Variants in POLH observed in about 807,000 individuals in gnomAD.
The protein encoded by POLH is DNA polymerase eta.
POLH carries 53 observed loss-of-function variants against 73.6 expected under a neutral mutation model. The ratio of observed to expected loss-of-function variants is 0.72; its 90% CI spans 0.58 to 0.91. The LOEUF is 0.91. Among genes scored for constraint, POLH ranks in the 40% least tolerant of loss-of-function variants. The pLI is 0.00. For synonymous variants in POLH, 292 were observed against 308.5 expected (o/e 0.95, Z 0.56); for missense variants, 768 against 865.4 (o/e 0.89, Z 1.41).
rs925647674 is a variant in POLH at position 43,593,651 on chromosome 6, G to T, written c.491-4045G>T. On this transcript the variant is annotated intron_variant, in intron 4 of 10. Coordinates refer to ENST00000372236, the MANE Select transcript of POLH (RefSeq NM_006502.3). ...AATCCCAGCACTTTGAGAGGCCAGG[G>T]TGAGCGAATCATGACGTCATGAGAT... is the stretch of plus-strand genomic sequence containing the variant. Among the ~76,000 whole-genome samples the T allele has an allele frequency of 3.3e-4, 50 of 152,188 alleles. 1 individual carries two copies. The highest frequency in any genetic ancestry group is 1.1e-3 in the African/African-American group (46 of 41,534).
At chr6:43,595,398 G>A (rs896516787) in intron 4 of POLH, among the ~76,000 whole-genome samples, 2 of 151,758 alleles carry the variant, frequency 1.3e-5, no homozygotes, top group Admixed American at 1.3e-4. Context: ...GCCTCCCAAA[G>A]TGCTGAGATT....
intron 9 of POLH, among the ~76,000 whole-genome samples, chr6:43,606,788 C>A (rs1176162893): frequency 6.6e-6 from 1 of 152,102 alleles, no homozygotes; most frequent in Non-Finnish European, 1.5e-5. Context: ...ACAAAATTCA[C>A]CCATTTAAAA....
At chr6:43,584,041 G>T (rs1032492623) in intron 3 of POLH, among the ~76,000 whole-genome samples, 1 of 152,210 alleles carries the variant, frequency 6.6e-6, no homozygotes, top group African/African-American at 2.4e-5. Context: ...TACTCAGGAA[G>T]CTGAGTTGAG....
intron 4 of POLH, among the ~76,000 whole-genome samples, chr6:43,592,965 C>T (rs1765631723): frequency 6.6e-6 from 1 of 152,230 alleles, no homozygotes; most frequent in Admixed American, 6.5e-5. Context: ...AGCAATTTTC[C>T]CACTTCAGCG....
At chr6:43,609,893 C>G (rs1048526881) in intron 9 of POLH, among the ~76,000 whole-genome samples, 2 of 151,918 alleles carry the variant, frequency 1.3e-5, no homozygotes, top group Non-Finnish European at 2.9e-5. Context: ...TGTCCTGTTC[C>G]CATCATCTGT....
chr6:43,607,959 T>G (rs1767480103), intron 9 of POLH, among the ~76,000 whole-genome samples: 1 of 152,080 alleles, frequency 6.6e-6, no homozygotes, highest in Admixed American at 6.6e-5. Flanking sequence ...GGCGAAACCC[T>G]GTCTCTACTA....
chr6:43,606,313 C>A (rs565202791), intron 9 of POLH, among the ~76,000 whole-genome samples: 1 of 152,214 alleles, frequency 6.6e-6, no homozygotes, highest in South Asian at 2.1e-4. Context: ...CTCCTCCCCT[C>A]CCCCATCCCA....
intron 4 of POLH, among the ~76,000 whole-genome samples, chr6:43,592,561 G>A (rs1193809039): frequency 1.3e-5 from 2 of 152,020 alleles, no homozygotes; most frequent in East Asian, 1.9e-4. Context: ...ACTGTTGGCC[G>A]CCACCACGCC....
chr6:43,595,608 G>A (rs886795622), intron 4 of POLH, among the ~76,000 whole-genome samples: 3 of 151,950 alleles, frequency 2.0e-5, no homozygotes, highest in African/African-American at 4.8e-5. Flanking sequence ...AAAATTAGCC[G>A]GGCGTGGTTG....
At position 43,614,019 on chromosome 6, in the gene POLH, A is replaced by G. The variant is rs1768156584; in HGVS notation, c.1604A>G (p.Lys535Arg). Reference protein sequence around the residue: ...STGTEPFFKQKSLLLKQKQLN... With the variant: ...STGTEPFFKQRSLLLKQKQLN... ...GGAACTGAGCCCTTCTTTAAGCAGA[A>G]AAGTCTGCTTCTAAAGCAGAAACAG... is the stretch of plus-strand genomic sequence containing the variant. Residue 535 changes from lysine (K) to arginine (R), a missense_variant, in exon 11 of 11, where the codon AAA becomes AGA. Coordinates refer to ENST00000372236, the MANE Select transcript of POLH (RefSeq NM_006502.3). 1.1e-5 allele frequency: 17 copies of G among 1,614,010 alleles called. No individual in the cohort carries two copies. The highest frequency in any genetic ancestry group is 1.4e-5 in the Non-Finnish European group (17 of 1,180,040).
chr6:43,613,928 A>T lies in POLH; in HGVS notation c.1513A>T (p.Thr505Ser), dbSNP rs1454136193. ...TTCGCTTTCATCTCTTACTGCTCCC[A>T]CTCAGGCTCCCATGAGCAATTCACC... ...EASLSSLTAP[T>S]QAPMSNSPSK... The change falls in exon 11 of 11, where the codon ACT becomes TCT. Residue 505 changes from threonine (T) to serine (S), a missense_variant. Physicochemically the swap from Thr to Ser is moderately conservative, Grantham distance 58 (BLOSUM62 1). Coordinates refer to ENST00000372236, the MANE Select transcript of POLH (RefSeq NM_006502.3). The T allele has an allele frequency of 1.9e-6, 3 of 1,613,812 alleles. No individual in the cohort carries two copies.
chr6:43,592,661 C>G (rs554328463), intron 4 of POLH, among the ~76,000 whole-genome samples: 1 of 152,208 alleles, frequency 6.6e-6, no homozygotes, highest in South Asian at 2.1e-4. Context: ...GTGATCTGCC[C>G]GCCTTGGTCT....
Position 43,613,842 on chromosome 6 carries a change from C to T in POLH, c.1427C>T (p.Ala476Val). The T allele has an allele frequency of 6.2e-7, 1 of 1,614,164 alleles. No individual in the cohort carries two copies. The highest frequency in any genetic ancestry group is 8.5e-7 in the Non-Finnish European group (1 of 1,180,034). ...CCAGCGGTGACAGCCACTAAGAAAGCAACCACGTCTCTGGAATCATTCTTC... is the reference window on the plus strand; with the variant it reads ...CCAGCGGTGACAGCCACTAAGAAAGTAACCACGTCTCTGGAATCATTCTTC... The part of the protein sequence containing the change: ...SGPAVTATKK[A>V]TTSLESFFQK... The change falls in exon 11 of 11, where the codon GCA becomes GTA. Residue 476 changes from alanine to valine, a missense_variant. Ala to Val is a moderately conservative substitution (Grantham distance 64, BLOSUM62 0). Coordinates refer to ENST00000372236, the MANE Select transcript of POLH (RefSeq NM_006502.3).
chr6:43,580,875 G>A (rs1764047998), intron 1 of POLH, among the ~76,000 whole-genome samples: 1 of 148,250 alleles, frequency 6.7e-6, no homozygotes, highest in African/African-American at 2.5e-5. Flanking sequence ...AGACGGGGCG[G>A]CTGGCCGGGC....
chr6:43,584,796 C>G (rs1764623113), intron 3 of POLH, among the ~76,000 whole-genome samples: 1 of 152,106 alleles, frequency 6.6e-6, no homozygotes, highest in Admixed American at 6.6e-5. Context: ...TGAAGCGACT[C>G]ACAGAACTCA....
chr6:43,596,824 G>T (rs946088470), intron 4 of POLH, among the ~76,000 whole-genome samples: 3 of 152,134 alleles, frequency 2.0e-5, no homozygotes, highest in Non-Finnish European at 4.4e-5. Flanking sequence ...ATAAAGATTT[G>T]TATGTACTCA....
At chr6:43,602,623 G>A (rs1361358594) in intron 6 of POLH, among the ~76,000 whole-genome samples, 1 of 152,130 alleles carries the variant, frequency 6.6e-6, no homozygotes, top group African/African-American at 2.4e-5. Flanking sequence ...TGAAAAGATG[G>A]TTTAAAGACA....
At chr6:43,588,876 C>T (rs142220941) in intron 4 of POLH, 5,716 of 150,024 alleles carry the variant, frequency 0.038, 166 homozygotes, top group Non-Finnish European at 0.056. Context: ...CTCACTCTTT[C>T]GCCCAGGCCG....
In POLH at chr6:43,604,703, T is replaced by C; in HGVS notation, c.973T>C (p.Phe325Leu). 6.2e-7 allele frequency: 1 copy of C among 1,614,130 alleles called. No homozygotes were observed. The highest frequency in any genetic ancestry group is 2.2e-5 in the East Asian group (1 of 44,876). The stretch of plus-strand genomic sequence containing the variant: ...CAAAACCATTGGCTGTAGTAAGAAC[T>C]TCCCAGGAAAAACAGCTCTTGCTAC... ...LPKTIGCSKN[F>L]PGKTALATRE... Residue 325 changes from phenylalanine to leucine, a missense_variant, in exon 8 of 11, where the codon TTC becomes CTC. Physicochemically the swap from Phe to Leu is conservative, Grantham distance 22. Transcript: ENST00000372236.
Sources: allele counts gnomAD v4.1 joint callset (sites outside exome capture counted in the v4.1 genomes callset), GRCh38; gene constraint gnomAD v4.1.1; transcripts MANE v1.5; gene names NCBI Gene and HGNC (gene_info 2026-07-23, HGNC 2026-07-21).